The following TBC1D22A variants were observed in gnomAD, a reference collection of about 807,000 sequenced individuals.
TBC1D22A encodes the protein putative GTPase activator.
TBC1D22A carries 38 observed loss-of-function variants against 60.2 expected under a neutral mutation model. The observed-to-expected ratio is 0.63, with a 90% CI of 0.49 to 0.83. The LOEUF (loss-of-function observed/expected upper bound fraction) is 0.83, where lower values mean the gene tolerates loss of function less well. Among genes scored for constraint, TBC1D22A ranks in the 40% least tolerant of loss-of-function variants. The pLI is 0.00. For synonymous variants in TBC1D22A, 302 were observed against 281.7 expected (o/e 1.07, Z -0.72); for missense variants, 628 against 701.0 (o/e 0.90, Z 1.18).
At chr22:46,841,598 G>A (rs1478113602) in intron 4 of TBC1D22A, among the ~76,000 whole-genome samples, 1 of 152,210 alleles carries the variant, frequency 6.6e-6, no homozygotes, top group East Asian at 1.9e-4. Context: ...AGACCCAGAA[G>A]ATATTCATCA....
At chr22:46,799,215 A>G (rs905069819) in intron 4 of TBC1D22A, among the ~76,000 whole-genome samples, 2 of 152,184 alleles carry the variant, frequency 1.3e-5, no homozygotes, top group African/African-American at 2.4e-5. Context: ...TGTTGATGCA[A>G]TTCAAACTTG....
chr22:47,026,474 T>C (rs2062262080), intron 10 of TBC1D22A, among the ~76,000 whole-genome samples: 1 of 152,230 alleles, frequency 6.6e-6, no homozygotes, highest in African/African-American at 2.4e-5. Flanking sequence ...AACTCTCTGC[T>C]TTTGCAGACA....
At chr22:46,954,460 G>A (rs2073084206) in intron 8 of TBC1D22A, among the ~76,000 whole-genome samples, 1 of 152,208 alleles carries the variant, frequency 6.6e-6, no homozygotes, top group Non-Finnish European at 1.5e-5. Flanking sequence ...TCAAGGCGGA[G>A]AGTTGTGGGC....
At position 47,172,528 on chromosome 22, in the gene TBC1D22A, C is replaced by A. The variant is rs562789803; in HGVS notation, c.1426-970C>A. The stretch of plus-strand genomic sequence containing the variant: ...CCTATTTTCCTACTTACATGCATGT[C>A]ATTCACCTTTATGTAAAACCTTTTA... On this transcript the variant is annotated intron_variant, in intron 12 of 12. Transcript: ENST00000337137. 1.1e-3 allele frequency among the ~76,000 whole-genome samples: 171 copies of A among 152,306 alleles called. 1 individual carries two copies. Among genetic ancestry groups the A allele is most frequent in the African/African-American group, 4.0e-3 (166 of 41,548 alleles).
intron 11 of TBC1D22A, among the ~76,000 whole-genome samples, chr22:47,064,581 G>A (rs1457788539): frequency 6.6e-6 from 1 of 152,222 alleles, no homozygotes; most frequent in African/African-American, 2.4e-5. Flanking sequence ...GCCAAGCTGG[G>A]CCTGGCCCTG....
At chr22:46,839,930 A>G (rs1315496984) in intron 4 of TBC1D22A, among the ~76,000 whole-genome samples, 3 of 152,260 alleles carry the variant, frequency 2.0e-5, no homozygotes, top group Non-Finnish European at 2.9e-5. Context: ...AACTCACGGC[A>G]TATACAAAAG....
intron 1 of TBC1D22A, among the ~76,000 whole-genome samples, chr22:46,791,530 T>G (rs902011835): frequency 9.3e-6 from 1 of 107,436 alleles, no homozygotes; most frequent in African/African-American, 3.2e-5. Flanking sequence ...TAGCTAAGCC[T>G]GTTTTTTTTT....
chr22:47,053,792 G>C (rs967857513), intron 11 of TBC1D22A, among the ~76,000 whole-genome samples: 1 of 152,240 alleles, frequency 6.6e-6, no homozygotes, highest in African/African-American at 2.4e-5. Context: ...GGATTCCCGC[G>C]TGCTGCCTTG....
chr22:46,766,813 G>A (rs1473791938), intron 1 of TBC1D22A, among the ~76,000 whole-genome samples: 1 of 152,158 alleles, frequency 6.6e-6, no homozygotes, highest in African/African-American at 2.4e-5. Flanking sequence ...TGAGATTCCA[G>A]GCATGAGCCA....
intron 9 of TBC1D22A, among the ~76,000 whole-genome samples, chr22:46,996,986 G>C (rs2075142261): frequency 6.6e-6 from 1 of 152,228 alleles, no homozygotes; most frequent in African/African-American, 2.4e-5. Flanking sequence ...AGGTCACACA[G>C]CTCCTGAGTC....
chr22:47,025,757 G>A lies in TBC1D22A; in HGVS notation c.1202-11314G>A, dbSNP rs927164671. On this transcript the variant is annotated intron_variant, in intron 10 of 12. Transcript: ENST00000337137. ...GAAGAGGCTGTGCTTAGAGGGAAACGTATAGTATAGAGTGCGTGGCAATAT... is the reference window on the plus strand; with the variant it reads ...GAAGAGGCTGTGCTTAGAGGGAAACATATAGTATAGAGTGCGTGGCAATAT... Among the ~76,000 whole-genome samples the A allele has an allele frequency of 9.2e-5, 14 of 152,164 alleles. 1 individual carries two copies. Among genetic ancestry groups the A allele is most frequent in the Non-Finnish European group, 5.9e-5 (4 of 68,032 alleles).
intron 4 of TBC1D22A, among the ~76,000 whole-genome samples, chr22:46,841,138 G>C (rs1253582270): frequency 6.6e-6 from 1 of 152,032 alleles, no homozygotes; most frequent in Non-Finnish European, 1.5e-5. Flanking sequence ...ATGATCCCCA[G>C]AATGGATGTG....
At chr22:47,089,390 A>G (rs1216636811) in intron 11 of TBC1D22A, among the ~76,000 whole-genome samples, 1 of 152,244 alleles carries the variant, frequency 6.6e-6, no homozygotes, top group African/African-American at 2.4e-5. Context: ...AATATTGATC[A>G]TTGTGGATCT....
intron 1 of TBC1D22A, among the ~76,000 whole-genome samples, chr22:46,772,046 T>C (rs13055966): frequency 0.46 from 58,458 of 126,160 alleles, 12,855 homozygotes; most frequent in Middle Eastern, 0.59. Flanking sequence ...CCATCGTATA[T>C]ATACATATAC....
intron 6 of TBC1D22A, among the ~76,000 whole-genome samples, chr22:46,893,515 G>A (rs970861372): frequency 7.2e-5 from 11 of 152,194 alleles, no homozygotes; most frequent in Admixed American, 5.9e-4. Context: ...CTATGTAAGC[G>A]GGCTTTGCTG....
intron 10 of TBC1D22A, among the ~76,000 whole-genome samples, chr22:47,016,686 C>T (rs530545159): frequency 3.9e-5 from 6 of 152,380 alleles, no homozygotes; most frequent in Non-Finnish European, 8.8e-5. Context: ...ACGAGTCCTT[C>T]CTGTGTCTGC....
intron 8 of TBC1D22A, among the ~76,000 whole-genome samples, chr22:46,962,170 C>T (rs979492831): frequency 3.3e-5 from 5 of 152,192 alleles, no homozygotes; most frequent in Non-Finnish European, 7.3e-5. Flanking sequence ...TCGGTGCTCG[C>T]CACCTCACTG....
chr22:46,965,036 G>C (rs1208929875), intron 8 of TBC1D22A, among the ~76,000 whole-genome samples: 1 of 152,224 alleles, frequency 6.6e-6, no homozygotes, highest in Non-Finnish European at 1.5e-5. Flanking sequence ...ACCAAGGATT[G>C]ATGAGGAAAG....
chr22:47,150,303 T>C (rs2067453524), intron 12 of TBC1D22A, among the ~76,000 whole-genome samples: 1 of 152,100 alleles, frequency 6.6e-6, no homozygotes, highest in South Asian at 2.1e-4. Flanking sequence ...TGGGCGGCCC[T>C]CCTGGCTGCA....
Sources: allele counts gnomAD v4.1 joint callset (sites outside exome capture counted in the v4.1 genomes callset), GRCh38; gene constraint gnomAD v4.1.1; transcripts MANE v1.5; gene names NCBI Gene and HGNC (gene_info 2026-07-23, HGNC 2026-07-21).